RTL9: variants seen among roughly 807,000 people sequenced by gnomAD.
RTL9 encodes retrotransposon Gag-like protein 9.
Under a neutral mutation model 44.7 loss-of-function variants are expected in RTL9, and 19 were observed. That is an observed-to-expected ratio of 0.42 (90% confidence interval 0.30 to 0.62). RTL9 has a LOEUF of 0.62. RTL9 is among the 20% of genes least tolerant of loss of function. RTL9 has a pLI of 0.16. For missense variants in RTL9, 1,105 were observed against 1,080.6 expected (o/e 1.02, Z -0.32); for synonymous variants, 407 against 398.9 (o/e 1.02, Z -0.24).
chrX:110,403,176 A>G (rs773906892), intron 1 of RTL9, among the ~76,000 whole-genome samples: 2 of 112,020 alleles, frequency 1.8e-5, no homozygotes, highest in African/African-American at 6.5e-5. Context: ...TGAAAAAGGA[A>G]GGCCAGAGAT....
intron 1 of RTL9, among the ~76,000 whole-genome samples, chrX:110,377,963 C>T (rs897125394): frequency 1.0e-5 from 1 of 97,382 alleles, no homozygotes. Flanking sequence ...GAGCCGAGAT[C>T]GCGCCACTGC....
intron 1 of RTL9, among the ~76,000 whole-genome samples, chrX:110,444,791 C>A (rs1405975183): frequency 2.7e-5 from 3 of 112,352 alleles, no homozygotes; most frequent in Non-Finnish European, 5.6e-5. Context: ...TTATAAATTA[C>A]CTGCTTCGCA....
At chrX:110,363,705 T>G (rs1040961168) in intron 1 of RTL9, among the ~76,000 whole-genome samples, 2 of 111,642 alleles carry the variant, frequency 1.8e-5, no homozygotes, top group African/African-American at 6.5e-5. Flanking sequence ...GATGCATGGA[T>G]GCATCAGACT....
chrX:110,433,072 C>T (rs1294183263), intron 1 of RTL9, among the ~76,000 whole-genome samples: 1 of 112,561 alleles, frequency 8.9e-6, no homozygotes. Context: ...CGGGTGGCTC[C>T]AGCTGCTGCT....
chrX:110,455,598 T>C (rs976173201), exon 2 of RTL9: 6 of 247,433 alleles, frequency 2.4e-5, no homozygotes, highest in South Asian at 1.8e-4. Context: ...GTCCTAGTTC[T>C]TGGTCCAGGG....
chrX:110,371,160 G>A (rs1286472748), intron 1 of RTL9, among the ~76,000 whole-genome samples: 1 of 111,183 alleles, frequency 9.0e-6, no homozygotes, highest in Non-Finnish European at 1.9e-5. Context: ...CATACAGAGA[G>A]TTCCCGTTAG....
intron 1 of RTL9, 22 bp from the exon 4 acceptor site, chrX:110,455,180 G>A: frequency 8.3e-7 from 1 of 1,208,923 alleles, no homozygotes; most frequent in Non-Finnish European, 1.1e-6. Flanking sequence ...TCTTACCTCT[G>A]TTGTCTTTTT....
intron 1 of RTL9, among the ~76,000 whole-genome samples, chrX:110,388,637 G>A (rs1408207308): frequency 1.8e-5 from 2 of 112,331 alleles, no homozygotes. Context: ...AGCCCCTGGA[G>A]GGCTTCTTAA....
chrX:110,438,050 G>T (rs906415332), intron 1 of RTL9, among the ~76,000 whole-genome samples: 5 of 111,662 alleles, frequency 4.5e-5, no homozygotes, highest in African/African-American at 1.6e-4. Context: ...AGCAAGAATA[G>T]AATCTTCCCT....
chrX:110,443,783 GC>G (rs1438300803), intron 1 of RTL9, among the ~76,000 whole-genome samples: 2 of 112,156 alleles, frequency 1.8e-5, no homozygotes, highest in Non-Finnish European at 3.8e-5. Context: ...CAGTGCTCTG[GC>G]AACAAAGAAC....
chrX:110,379,192 T>G lies in RTL9; in HGVS notation c.-168+20276T>G, dbSNP rs149114534. 1.7e-3 allele frequency among the ~76,000 whole-genome samples: 192 copies of G among 112,462 alleles called. 4 individuals are homozygous for G. The East Asian group carries it at 0.045, about 26-fold the overall frequency. ...TCTAGTGCTCCATTCTTGATTGTTTTCCATTTCTATTATAGCTTTCAAGGA... is the reference window on the plus strand; with the variant it reads ...TCTAGTGCTCCATTCTTGATTGTTTGCCATTTCTATTATAGCTTTCAAGGA... On this transcript the variant is annotated intron_variant, in intron 1 of 2. Transcript: ENST00000520821.
At chrX:110,453,810 G>A (rs2068962872) in exon 1 of RTL9, 1 of 1,211,483 alleles carries the variant, frequency 8.3e-7, no homozygotes, top group African/African-American at 1.7e-5. Context: ...GACAGCCACA[G>A]ACTCTAGAGG....
chrX:110,375,997 C>T (rs1255400939), intron 1 of RTL9, among the ~76,000 whole-genome samples: 1 of 111,168 alleles, frequency 9.0e-6, no homozygotes, highest in Admixed American at 9.5e-5. Flanking sequence ...AAATAGAACA[C>T]CCTTCAAAGA....
At chrX:110,387,916 C>T (rs1453135083) in intron 1 of RTL9, among the ~76,000 whole-genome samples, 4 of 94,674 alleles carry the variant, frequency 4.2e-5, no homozygotes, top group African/African-American at 1.7e-4. Context: ...GGCTGGAGTG[C>T]GGTGGTGCGA....
chrX:110,372,460 G>A (rs2068345901), intron 1 of RTL9, among the ~76,000 whole-genome samples: 1 of 111,441 alleles, frequency 9.0e-6, no homozygotes, highest in Non-Finnish European at 1.9e-5. Flanking sequence ...TTAAGTTTGT[G>A]TACATAAAAT....
At chrX:110,380,286 T>C (rs1049626643) in intron 1 of RTL9, among the ~76,000 whole-genome samples, 4 of 111,688 alleles carry the variant, frequency 3.6e-5, no homozygotes, top group African/African-American at 1.3e-4. Context: ...ATAAAAGATT[T>C]TGTAGTAGGA....
At chrX:110,412,874 G>T (rs1169442950) in intron 1 of RTL9, among the ~76,000 whole-genome samples, 1 of 112,235 alleles carries the variant, frequency 8.9e-6, no homozygotes, top group Non-Finnish European at 1.9e-5. Context: ...TGTCAACACT[G>T]GGGAGTAGAA....
intron 1 of RTL9, among the ~76,000 whole-genome samples, chrX:110,413,715 C>T (rs2068658187): frequency 1.8e-5 from 2 of 110,377 alleles, no homozygotes; most frequent in South Asian, 7.9e-4. Flanking sequence ...CCTCAACGCT[C>T]TTCTTTTTAC....
intron 1 of RTL9, among the ~76,000 whole-genome samples, chrX:110,434,784 C>G (rs1415078128): frequency 9.0e-6 from 1 of 110,804 alleles, no homozygotes; most frequent in African/African-American, 3.3e-5. Flanking sequence ...CCACCACAGT[C>G]AAGGGATATT....
Sources: allele counts gnomAD v4.1 joint callset (sites outside exome capture counted in the v4.1 genomes callset), GRCh38; gene constraint gnomAD v4.1.1; transcripts MANE v1.5; gene names NCBI Gene and HGNC (gene_info 2026-07-23, HGNC 2026-07-21).